ADARB2: variants seen among roughly 807,000 people sequenced by gnomAD.
ADARB2 encodes the protein adenosine deaminase RNA specific B2 (inactive), also known as inactive double-stranded RNA-specific editase B2.
Under a neutral mutation model 62.2 loss-of-function variants are expected in ADARB2, and 25 were observed. The ratio of observed to expected loss-of-function variants is 0.40; its 90% CI spans 0.29 to 0.56. The LOEUF (loss-of-function observed/expected upper bound fraction) is 0.56. Among genes scored for constraint, ADARB2 ranks in the 20% least tolerant of loss-of-function variants. The pLI is 0.43. For synonymous variants in ADARB2, 572 were observed against 500.8 expected (o/e 1.14, Z -1.90); for missense variants, 1,071 against 1,077.4 (o/e 0.99, Z 0.08).
At chr10:1,261,874 A>C (rs987909620) in intron 4 of ADARB2, among the ~76,000 whole-genome samples, 2 of 149,748 alleles carry the variant, frequency 1.3e-5, no homozygotes, top group Admixed American at 1.3e-4. Context: ...TCACAATAGC[A>C]AAGACTTGGA....
chr10:1,569,038 C>CAGAGATAG (rs1832899000), intron 1 of ADARB2, among the ~76,000 whole-genome samples: 1 of 150,902 alleles, frequency 6.6e-6, no homozygotes, highest in Non-Finnish European at 1.5e-5. Context: ...CAGAGCGGGA[C>CAGAGATAG]AGAGATAGAG....
intron 1 of ADARB2, among the ~76,000 whole-genome samples, chr10:1,554,612 A>G (rs1435410747): frequency 1.3e-5 from 2 of 152,012 alleles, no homozygotes; most frequent in Non-Finnish European, 2.9e-5. Context: ...ACAGCCCCCA[A>G]CGGTACTTCA....
intron 1 of ADARB2, among the ~76,000 whole-genome samples, chr10:1,443,414 T>G (rs1233366574): frequency 6.6e-6 from 1 of 152,182 alleles, no homozygotes; most frequent in African/African-American, 2.4e-5. Context: ...TATATTCCAT[T>G]TGTTAAATAT....
At chr10:1,584,740 A>G (rs34294702) in intron 1 of ADARB2, among the ~76,000 whole-genome samples, 29,385 of 152,160 alleles carry the variant, frequency 0.19, 3,247 homozygotes, top group East Asian at 0.39. Flanking sequence ...CATCCAGATC[A>G]TGGCATATTA....
intron 1 of ADARB2, among the ~76,000 whole-genome samples, chr10:1,389,047 A>G (rs115663491): frequency 1.9e-3 from 285 of 152,354 alleles, no homozygotes; most frequent in African/African-American, 6.5e-3. Context: ...GTTGATGAAG[A>G]AAGTCTTTTT....
At chr10:1,412,137 A>G (rs1208760677) in intron 1 of ADARB2, among the ~76,000 whole-genome samples, 1 of 152,098 alleles carries the variant, frequency 6.6e-6, no homozygotes, top group Non-Finnish European at 1.5e-5. Context: ...TGCCTTGTCA[A>G]GGGCCCTTTT....
At chr10:1,349,431 C>T (rs1220728832) in intron 3 of ADARB2, among the ~76,000 whole-genome samples, 3 of 152,192 alleles carry the variant, frequency 2.0e-5, no homozygotes, top group Admixed American at 6.5e-5. Flanking sequence ...AATTTGGTGC[C>T]GTGACTCAGA....
chr10:1,651,865 G>T (rs945326932), intron 1 of ADARB2, among the ~76,000 whole-genome samples: 2 of 152,000 alleles, frequency 1.3e-5, no homozygotes, highest in Admixed American at 6.5e-5. Flanking sequence ...CCCAGGGTTG[G>T]TTCCCAGTGG....
chr10:1,689,772 T>C (rs149594379), intron 1 of ADARB2, among the ~76,000 whole-genome samples: 1 of 152,368 alleles, frequency 6.6e-6, no homozygotes, highest in African/African-American at 2.4e-5. Flanking sequence ...TGTGCAAATA[T>C]ATGAGCCATT....
chr10:1,287,463 T>G (rs1232438168), intron 3 of ADARB2, among the ~76,000 whole-genome samples: 2 of 152,184 alleles, frequency 1.3e-5, no homozygotes, highest in African/African-American at 4.8e-5. Flanking sequence ...CCATGCTGTG[T>G]GACAGATCCC....
intron 1 of ADARB2, among the ~76,000 whole-genome samples, chr10:1,473,108 C>A (rs1831348288): frequency 6.6e-6 from 1 of 152,136 alleles, no homozygotes; most frequent in South Asian, 2.1e-4. Context: ...ATGGATAAAA[C>A]CCCAAGTCAC....
rs1402308201 is a variant in ADARB2 at position 1,246,630 on chromosome 10, C to T, written c.1193-4331G>A. On this transcript the variant is annotated intron_variant, in intron 4 of 9. Transcript: ENST00000381312. ...CATTGCTTGTTTTTCTCAGGTTTGT[C>T]AAAGATCAGATAGTTGTAGATATGC... Among the ~76,000 whole-genome samples, 5 of 103,746 alleles carry T rather than the reference C, an allele frequency of 4.8e-5. 1 individual carries two copies. Among genetic ancestry groups the T allele is most frequent in the African/African-American group, 2.0e-4 (5 of 25,242 alleles). 68.1% of individuals were successfully genotyped at this position (103,746 alleles called of 152,430 possible). A position where few individuals can be genotyped will look rare whatever the true frequency, so the allele number is the denominator to read the frequency against.
chr10:1,392,808 G>A (rs936502520), intron 1 of ADARB2, among the ~76,000 whole-genome samples: 2 of 152,170 alleles, frequency 1.3e-5, no homozygotes, highest in Non-Finnish European at 2.9e-5. Flanking sequence ...CAGTTAAAAC[G>A]GAGGTGGCCT....
intron 1 of ADARB2, among the ~76,000 whole-genome samples, chr10:1,629,563 C>A (rs1380525004): frequency 7.2e-6 from 1 of 138,182 alleles, no homozygotes; most frequent in Non-Finnish European, 1.6e-5. Flanking sequence ...AGCACCCAAC[C>A]CCCCCAGCAC....
At chr10:1,518,991 C>G (rs542043699) in intron 1 of ADARB2, among the ~76,000 whole-genome samples, 1 of 152,032 alleles carries the variant, frequency 6.6e-6, no homozygotes, top group African/African-American at 2.4e-5. Context: ...TGGTCATATG[C>G]CTGCATTCCA....
intron 1 of ADARB2, among the ~76,000 whole-genome samples, chr10:1,657,653 C>A (rs963156743): frequency 6.6e-6 from 1 of 152,172 alleles, no homozygotes; most frequent in Non-Finnish European, 1.5e-5. Flanking sequence ...ACCTCAGAAG[C>A]CTTCCAAGGT....
intron 1 of ADARB2, among the ~76,000 whole-genome samples, chr10:1,636,526 G>T (rs193254765): frequency 6.6e-6 from 1 of 151,992 alleles, no homozygotes; most frequent in Non-Finnish European, 1.5e-5. Context: ...AAAACCAAAA[G>T]AAATGGTGCC....
chr10:1,356,061 T>C (rs1473733678), intron 3 of ADARB2, among the ~76,000 whole-genome samples: 1 of 150,152 alleles, frequency 6.7e-6, no homozygotes, highest in Non-Finnish European at 1.5e-5. Flanking sequence ...TTTCTGAAAG[T>C]TTTTTTTTCC....
At chr10:1,263,384 T>C (rs1373891276) in intron 4 of ADARB2, among the ~76,000 whole-genome samples, 1 of 152,242 alleles carries the variant, frequency 6.6e-6, no homozygotes, top group African/African-American at 2.4e-5. Context: ...TGGATGCTAG[T>C]GTCCTTTATT....
Sources: gnomAD v4.1 joint callset for allele counts (sites outside exome capture counted in the v4.1 genomes callset) on GRCh38, gnomAD v4.1.1 for gene constraint, MANE v1.5 for transcripts, NCBI Gene and HGNC (gene_info 2026-07-23, HGNC 2026-07-21) for gene names.